Variants in SRPRA observed in about 807,000 individuals in gnomAD.
SRPRA encodes SRP receptor subunit alpha.
In SRPRA, 30 loss-of-function variants were observed where a neutral mutation model predicts 61.1. The observed-to-expected ratio is 0.49, with a 90% CI of 0.37 to 0.67. The LOEUF is 0.67. SRPRA is among the 30% of genes least tolerant of loss of function. SRPRA has a pLI of 0.00. For missense variants in SRPRA, 759 were observed against 828.4 expected (o/e 0.92, Z 1.03); for synonymous variants, 324 against 299.7 (o/e 1.08, Z -0.84).
At chr11:126,254,476 G>A in the SRPRA span, 1 of 1,607,680 alleles carries the variant, frequency 6.2e-7, no homozygotes, top group Non-Finnish European at 8.5e-7. Context: ...CTCCTTCCTG[G>A]GAAATCTCTC....
the SRPRA span, among the ~76,000 whole-genome samples, chr11:126,252,480 T>C: frequency 2.0e-5 from 3 of 152,120 alleles, no homozygotes; most frequent in South Asian, 6.2e-4. This position sits in a 1 kb window ranked among gnomAD's most constrained non-coding sequence, Gnocchi z 4.7. Context: ...GCACAGCAGC[T>C]CAGGCCTGTA....
chr11:126,255,626 A>G, the SRPRA span, among the ~76,000 whole-genome samples: 1 of 152,218 alleles, frequency 6.6e-6, no homozygotes, highest in Non-Finnish European at 1.5e-5. The surrounding 1 kb of genome is among the most constrained non-coding windows in gnomAD (Gnocchi z 4.6). Context: ...AAATGGAAGG[A>G]TTAAGATATA....
chr11:126,265,825 TGAG>T lies in SRPRA; in HGVS notation c.1052-5_1052-3del, dbSNP rs1428270273. The T allele has an allele frequency of 6.2e-7, 1 of 1,614,218 alleles. No homozygotes were observed. Among genetic ancestry groups the T allele is most frequent in the Non-Finnish European group, 8.5e-7 (1 of 1,180,038 alleles). On this transcript the variant is annotated splice_polypyrimidine_tract_variant and splice_region_variant and intron_variant, in intron 8 of 13. Coordinates refer to ENST00000332118, the MANE Select transcript of SRPRA (RefSeq NM_003139.4). The surrounding 1 kb of genome is among the most constrained non-coding windows in gnomAD (Gnocchi z 6.3). ...CAATGTCTGCAGCCACGTTCTTAGC[TGAG>T]GAGAGGGGGACAGGTATGTCAGTTC... is the stretch of plus-strand genomic sequence containing the variant.
the SRPRA span, among the ~76,000 whole-genome samples, chr11:126,243,158 A>G: frequency 2.6e-5 from 4 of 152,244 alleles, no homozygotes; most frequent in Admixed American, 6.5e-5. Flanking sequence ...AGGCAAATCC[A>G]TAGAACAGAA....
At chr11:126,239,567 A>G in the SRPRA span, among the ~76,000 whole-genome samples, 1 of 152,072 alleles carries the variant, frequency 6.6e-6, no homozygotes, top group Non-Finnish European at 1.5e-5. Flanking sequence ...CAGGGACTCC[A>G]TTTTGTTCAT....
In SRPRA at chr11:126,264,179, T is replaced by G. The variant is rs1468050448; in HGVS notation, c.1788+12A>C. 2.5e-6 allele frequency: 4 copies of G among 1,613,648 alleles called. No homozygotes were observed. In the African/African-American group the frequency reaches 4.0e-5, roughly 16 times the overall value. ...GCAGGACGCCCATTCCAGCCTCCAG[T>G]CTCACGTTTACCTTGTCATCAATGG... On this transcript the variant is annotated intron_variant, in intron 13 of 13. Transcript: ENST00000332118. This position sits in a 1 kb window ranked among gnomAD's most constrained non-coding sequence, Gnocchi z 5.0.
chr11:126,239,202 T>G, the SRPRA span, among the ~76,000 whole-genome samples: 1 of 152,132 alleles, frequency 6.6e-6, no homozygotes, highest in Non-Finnish European at 1.5e-5. Flanking sequence ...CTCAAACTCC[T>G]GGGCTCAAGC....
chr11:126,264,616 C>T lies in SRPRA; in HGVS notation c.1526-77G>A, dbSNP rs1387036800. Reference sequence around the variant, plus strand: ...GTTCCCAGCTTCCTCTCAAAAAGTCCTAGTTTGACTACCTGTTCACTGTCT... The same window carrying T: ...GTTCCCAGCTTCCTCTCAAAAAGTCTTAGTTTGACTACCTGTTCACTGTCT... On this transcript the variant is annotated intron_variant, in intron 11 of 13. Coordinates refer to ENST00000332118, the MANE Select transcript of SRPRA (RefSeq NM_003139.4). The surrounding 1 kb of genome is among the most constrained non-coding windows in gnomAD (Gnocchi z 5.0). 1 of 1,523,896 alleles carries T rather than the reference C, an allele frequency of 6.6e-7. No homozygotes were observed. The highest frequency in any genetic ancestry group is 1.8e-5 in the Admixed American group (1 of 54,944). The allele number at this position is 1,523,896 out of a possible 1,614,324, so 94.4% of individuals were successfully genotyped here.
downstream of SRPRA, chr11:126,261,443 G>A: frequency 6.2e-7 from 1 of 1,614,054 alleles, no homozygotes. Flanking sequence ...GTGAGAGAAG[G>A]TCAGCTAAAT....
the SRPRA span, among the ~76,000 whole-genome samples, chr11:126,250,049 C>T: frequency 6.6e-6 from 1 of 151,824 alleles, no homozygotes; most frequent in Non-Finnish European, 1.5e-5. This position sits in a 1 kb window ranked among gnomAD's most constrained non-coding sequence, Gnocchi z 5.1. Flanking sequence ...ATCTCATCTT[C>T]CTTATTACGT....
At chr11:126,257,875 T>G in the SRPRA span, among the ~76,000 whole-genome samples, 2 of 152,164 alleles carry the variant, frequency 1.3e-5, no homozygotes, top group Non-Finnish European at 2.9e-5. Context: ...AAATGGTGAT[T>G]AAAGATTCAG....
In SRPRA at chr11:126,268,844, T is replaced by C. The variant is rs762557051; in HGVS notation, c.-40A>G. ...AGGAGCTGGGGCCGGCGCCGGGAAT[T>C]CAGGCCGCGTTCGCCGCCGCTTCCT... On this transcript the variant is annotated 5_prime_UTR_variant, in exon 1 of 14. Coordinates refer to ENST00000332118, the MANE Select transcript of SRPRA (RefSeq NM_003139.4). The C allele has an allele frequency of 4.5e-6, 7 of 1,550,214 alleles. No homozygotes were observed. The highest frequency in any genetic ancestry group is 6.2e-6 in the Non-Finnish European group (7 of 1,124,164).
chr11:126,265,260 G>A lies in SRPRA; in HGVS notation c.1311+8C>T. On this transcript the variant is annotated splice_region_variant and intron_variant, in intron 10 of 13. Coordinates refer to ENST00000332118, the MANE Select transcript of SRPRA (RefSeq NM_003139.4). This position sits in a 1 kb window ranked among gnomAD's most constrained non-coding sequence, Gnocchi z 6.3. ...AATATCAGCGATAGGCTGGGGAACT[G>A]CACTGACCTTGGCAAGATTAGTAGA... The A allele has an allele frequency of 6.2e-7, 1 of 1,613,666 alleles. No individual in the cohort carries two copies. Among genetic ancestry groups the A allele is most frequent in the Non-Finnish European group, 8.5e-7 (1 of 1,179,600 alleles).
the SRPRA span, among the ~76,000 whole-genome samples, chr11:126,253,446 G>A: frequency 6.6e-6 from 1 of 152,136 alleles, no homozygotes; most frequent in Non-Finnish European, 1.5e-5. This position sits in a 1 kb window ranked among gnomAD's most constrained non-coding sequence, Gnocchi z 5.1. Flanking sequence ...TATTGCATTC[G>A]CTGTTGTCTA....
downstream of SRPRA, chr11:126,261,159 T>TGTAAAAA: frequency 2.3e-6 from 1 of 440,324 alleles, no homozygotes; most frequent in African/African-American, 2.0e-5. Context: ...GTATGTGAAA[T>TGTAAAAA]GTAAAATGTA....
chr11:126,256,725 G>A, the SRPRA span: 1 of 1,614,156 alleles, frequency 6.2e-7, no homozygotes, highest in Admixed American at 1.7e-5. This position sits in a 1 kb window ranked among gnomAD's most constrained non-coding sequence, Gnocchi z 6.6. Context: ...ACGTAGATGA[G>A]TTCAAAAAGC....
rs1950763437 is a variant in SRPRA, at chr11:126,264,357, A to C, written c.1689+19T>G. On this transcript the variant is annotated intron_variant, in intron 12 of 13. Coordinates refer to ENST00000332118, the MANE Select transcript of SRPRA (RefSeq NM_003139.4). The surrounding 1 kb of genome is among the most constrained non-coding windows in gnomAD (Gnocchi z 5.0). Reference sequence around the variant, plus strand: ...GACCAAAGCTCAAGTTGTAAAGGGAACTGGGCCCACGCTCTCACCAGCTGG... The same window carrying C: ...GACCAAAGCTCAAGTTGTAAAGGGACCTGGGCCCACGCTCTCACCAGCTGG... The C allele has an allele frequency of 1.2e-6, 2 of 1,614,034 alleles. No homozygotes were observed. The highest frequency in any genetic ancestry group is 2.2e-5 in the East Asian group (1 of 44,904).
the SRPRA span, among the ~76,000 whole-genome samples, chr11:126,252,095 T>C: frequency 6.6e-6 from 1 of 152,144 alleles, no homozygotes; most frequent in African/African-American, 2.4e-5. The surrounding 1 kb of genome is among the most constrained non-coding windows in gnomAD (Gnocchi z 4.7). Flanking sequence ...CAAGCGATTC[T>C]CCTGCCTCAG....
Position 126,264,410 on chromosome 11 carries a change from TCTC to T in SRPRA, c.1652_1654del (p.Gly551del), listed in dbSNP as rs750239164. On this transcript the variant is annotated inframe_deletion, in exon 12 of 14. Transcript: ENST00000332118. This position sits in a 1 kb window ranked among gnomAD's most constrained non-coding sequence, Gnocchi z 5.0. Reference sequence around the variant, plus strand: ...CACGGCTTCATTGCCTACTAAGGCTTCTCCTACAAACAGCACCAAATCAGGTGT... The same window carrying T: ...CACGGCTTCATTGCCTACTAAGGCTTCTACAAACAGCACCAAATCAGGTGT... 3 of 1,614,100 alleles carry T rather than the reference TCTC, an allele frequency of 1.9e-6. No homozygotes were observed. The highest frequency in any genetic ancestry group is 2.7e-5 in the African/African-American group (2 of 74,938).
Sources: gnomAD v4.1 joint callset for allele counts (sites outside exome capture counted in the v4.1 genomes callset) on GRCh38, gnomAD v4.1.1 for gene constraint, Gnocchi (gnomAD v3.1) non-coding constraint, MANE v1.5 for transcripts, NCBI Gene and HGNC (gene_info 2026-07-23, HGNC 2026-07-21) for gene names.